DLGAP2: variants seen among roughly 807,000 people sequenced by gnomAD.
DLGAP2 encodes disks large-associated protein 2.
Under a neutral mutation model 100.3 loss-of-function variants are expected in DLGAP2, and 26 were observed. The ratio of observed to expected loss-of-function variants is 0.26; its 90% confidence interval spans 0.19 to 0.36. The LOEUF is 0.36. Ranked by LOEUF, DLGAP2 falls within the 10% of genes least tolerant of loss-of-function variation. The pLI is 1.00. For synonymous variants in DLGAP2, 886 were observed against 630.1 expected, an observed-to-expected ratio of 1.41 and a Z score of -6.08; for missense variants, 1,858 against 1,453.2, an observed-to-expected ratio of 1.28 and a Z score of -4.53.
chr8:892,632 G>A (rs559617903), intron 1 of DLGAP2, among the ~76,000 whole-genome samples: 1 of 152,322 alleles, frequency 6.6e-6, no homozygotes, highest in East Asian at 1.9e-4. Flanking sequence ...GCTTCCCTGG[G>A]TAGGTCAGCT....
chr8:1,522,096 G>T (rs1320982538), intron 4 of DLGAP2, among the ~76,000 whole-genome samples: 2 of 151,906 alleles, frequency 1.3e-5, no homozygotes, highest in African/African-American at 4.8e-5. Context: ...GGGTGTCTCT[G>T]GTTTGCACAC....
intron 2 of DLGAP2, among the ~76,000 whole-genome samples, chr8:1,084,792 G>T (rs1274333453): frequency 1.3e-5 from 2 of 152,156 alleles, no homozygotes; most frequent in Non-Finnish European, 2.9e-5. Flanking sequence ...ATGGACACAG[G>T]TTGATTCCAT....
intron 6 of DLGAP2, among the ~76,000 whole-genome samples, chr8:1,610,636 C>T (rs955795651): frequency 1.2e-4 from 16 of 128,752 alleles, no homozygotes; most frequent in Admixed American, 8.0e-5. Flanking sequence ...ATTGATAGAC[C>T]GCTAGCAAGA....
chr8:1,254,850 C>T (rs1799136122), intron 2 of DLGAP2, among the ~76,000 whole-genome samples: 1 of 105,684 alleles, frequency 9.5e-6, no homozygotes, highest in African/African-American at 3.9e-5. Context: ...CTCCGTGGGC[C>T]TCACTCCCTG....
At chr8:1,270,904 G>A (rs896473264) in intron 3 of DLGAP2, among the ~76,000 whole-genome samples, 2 of 151,950 alleles carry the variant, frequency 1.3e-5, no homozygotes, top group African/African-American at 4.8e-5. Flanking sequence ...TCGTAAATTT[G>A]GTTTCCACGA....
chr8:956,746 T>G (rs1381017232), intron 2 of DLGAP2, among the ~76,000 whole-genome samples: 1 of 152,252 alleles, frequency 6.6e-6, no homozygotes, highest in Non-Finnish European at 1.5e-5. Context: ...CTCTCCAATC[T>G]GTCCTGAGGT....
chr8:1,160,618 G>T (rs1464401895), intron 2 of DLGAP2, among the ~76,000 whole-genome samples: 5 of 152,178 alleles, frequency 3.3e-5, no homozygotes, highest in Non-Finnish European at 7.3e-5. Flanking sequence ...GGCCTTGGAG[G>T]AGATGGCTGC....
chr8:757,299 C>G (rs189303462), intron 1 of DLGAP2, among the ~76,000 whole-genome samples: 1 of 152,220 alleles, frequency 6.6e-6, no homozygotes, highest in Non-Finnish European at 1.5e-5. Context: ...ATACCGCAAT[C>G]CAGCCAACCT....
chr8:1,417,484 C>T (rs1796932316), intron 3 of DLGAP2, among the ~76,000 whole-genome samples: 1 of 152,194 alleles, frequency 6.6e-6, no homozygotes, highest in Admixed American at 6.5e-5. Flanking sequence ...AATGTGGTAA[C>T]AGTTTCCACG....
intron 2 of DLGAP2, among the ~76,000 whole-genome samples, chr8:1,093,664 C>T (rs929315704): frequency 6.6e-6 from 1 of 152,142 alleles, no homozygotes; most frequent in Non-Finnish European, 1.5e-5. Context: ...CAGACAGAAA[C>T]ACCTTCACAC....
chr8:1,553,181 T>G (rs537073863), intron 5 of DLGAP2, among the ~76,000 whole-genome samples: 1 of 152,258 alleles, frequency 6.6e-6, no homozygotes, highest in African/African-American at 2.4e-5. Flanking sequence ...CCTCGGCCTC[T>G]GTCCCCGCCT....
At chr8:962,070 G>A (rs1799739028) in intron 2 of DLGAP2, among the ~76,000 whole-genome samples, 1 of 152,176 alleles carries the variant, frequency 6.6e-6, no homozygotes, top group Admixed American at 6.5e-5. Context: ...AGATTTCTAA[G>A]CTTAGCATTT....
chr8:1,601,945 G>GTGTGTGTGT (rs1554506576), intron 6 of DLGAP2, among the ~76,000 whole-genome samples: 1 of 146,348 alleles, frequency 6.8e-6, no homozygotes, highest in African/African-American at 2.5e-5. Context: ...AATTTAACAG[G>GTGTGTGTGT]GTGTGTGTGT....
At chr8:1,287,961 TG>T (rs1799978448) in intron 3 of DLGAP2, among the ~76,000 whole-genome samples, 1 of 67,366 alleles carries the variant, frequency 1.5e-5, no homozygotes, top group African/African-American at 7.5e-5. Context: ...TGTGTGTGGT[TG>T]TTAGGGGAAC....
intron 2 of DLGAP2, among the ~76,000 whole-genome samples, chr8:1,128,276 G>C (rs1054580408): frequency 1.4e-5 from 2 of 148,090 alleles, no homozygotes; most frequent in Admixed American, 6.7e-5. Flanking sequence ...ACCTGCTCCC[G>C]GTGTTGTGTT....
At chr8:740,292 T>C (rs1361845038) in intron 1 of DLGAP2, 1 of 152,244 alleles carries the variant, frequency 6.6e-6, no homozygotes, top group Non-Finnish European at 1.5e-5. Flanking sequence ...TGTCTATTTG[T>C]TATTCTTCGA....
intron 3 of DLGAP2, among the ~76,000 whole-genome samples, chr8:1,500,505 C>T (rs992902149): frequency 6.6e-6 from 1 of 152,264 alleles, no homozygotes; most frequent in East Asian, 1.9e-4. Flanking sequence ...TGCACTGCCT[C>T]TGCAGCCTGG....
chr8:821,681 C>A (rs1393282803), intron 1 of DLGAP2, among the ~76,000 whole-genome samples: 1 of 152,296 alleles, frequency 6.6e-6, no homozygotes, highest in East Asian at 1.9e-4. Flanking sequence ...CTTTGCAGAA[C>A]TGGACTAATT....
chr8:1,255,894 A>G (rs1310236135), intron 2 of DLGAP2, among the ~76,000 whole-genome samples: 155 of 33,604 alleles, frequency 4.6e-3, no homozygotes, highest in Admixed American at 7.2e-3. Context: ...CCTGGGTGCT[A>G]TGTGTGTGTC....
Sources: gnomAD v4.1 joint callset for allele counts (sites outside exome capture counted in the v4.1 genomes callset) on GRCh38, gnomAD v4.1.1 for gene constraint, MANE v1.5 for transcripts, NCBI Gene and HGNC (gene_info 2026-07-23, HGNC 2026-07-21) for gene names.